The following ABCC5 variants were observed in gnomAD, a reference collection of about 807,000 sequenced individuals.
ABCC5 encodes ATP-binding cassette sub-family C member 5.
A neutral mutation model predicts 160.9 loss-of-function variants in ABCC5; 61 were observed. The observed-to-expected ratio is 0.38, with a 90% CI of 0.31 to 0.47. The LOEUF (loss-of-function observed/expected upper bound fraction) is 0.47, where lower values mean the gene tolerates loss of function less well. Ranked by LOEUF, ABCC5 falls within the 20% of genes least tolerant of loss-of-function variation. The probability of loss-of-function intolerance (pLI) is 0.99; values close to 1 mark genes in which losing one functional copy is unlikely to be tolerated. For synonymous variants in ABCC5, 666 were observed against 700.6 expected (o/e 0.95, Z 0.78); for missense variants, 1,308 against 1,813.3 (o/e 0.72, Z 5.06).
intron 23 of ABCC5, among the ~76,000 whole-genome samples, chr3:183,946,280 G>A (rs1714832319): frequency 6.6e-6 from 1 of 152,186 alleles, no homozygotes; most frequent in Non-Finnish European, 1.5e-5. Flanking sequence ...CACAACAAAT[G>A]GAGATATCAA....
chr3:184,005,745 C>T (rs1190515779), intron 2 of ABCC5, among the ~76,000 whole-genome samples: 6 of 151,910 alleles, frequency 3.9e-5, no homozygotes, highest in African/African-American at 9.7e-5. Context: ...CAAACCTGCA[C>T]GTTGTGTACA....
chr3:183,983,074 T>C (rs1718890562), intron 5 of ABCC5, 67 bp from the exon 6 acceptor site: 4 of 1,439,822 alleles, frequency 2.8e-6, no homozygotes, highest in Admixed American at 1.7e-5. Context: ...CATAGTTTTA[T>C]GTTAAGTTAG....
chr3:183,985,467 G>A, intron 5 of ABCC5: 1 of 1,137,616 alleles, frequency 8.8e-7, no homozygotes, highest in Non-Finnish European at 1.3e-6. Flanking sequence ...TGCAGGTGGA[G>A]AGAGGTTGGA....
intron 2 of ABCC5, among the ~76,000 whole-genome samples, chr3:183,990,557 C>G (rs994140173): frequency 6.6e-6 from 1 of 152,102 alleles, no homozygotes; most frequent in Non-Finnish European, 1.5e-5. Context: ...TTTCCATCAG[C>G]CCCAATTAAA....
chr3:183,940,157 T>C (rs969667327), intron 25 of ABCC5, among the ~76,000 whole-genome samples: 9 of 152,074 alleles, frequency 5.9e-5, no homozygotes, highest in Non-Finnish European at 1.3e-4. Flanking sequence ...AGAAACGAGT[T>C]AGGAAACCTG....
chr3:183,929,958 C>T (rs1270147819), intron 26 of ABCC5, among the ~76,000 whole-genome samples: 1 of 152,052 alleles, frequency 6.6e-6, no homozygotes, highest in African/African-American at 2.4e-5. Context: ...TTATCTTTGC[C>T]ACTGAGGATG....
chr3:183,985,080 A>G, intron 5 of ABCC5: 1 of 663,338 alleles, frequency 1.5e-6, no homozygotes, highest in Non-Finnish European at 2.5e-6. Context: ...ACAGCAGATT[A>G]AAGAAGTTCC....
intron 28 of ABCC5, among the ~76,000 whole-genome samples, chr3:183,926,178 T>C (rs1259074584): frequency 6.8e-6 from 1 of 147,610 alleles, no homozygotes; most frequent in African/African-American, 2.5e-5. Context: ...CACGCATATA[T>C]GTAAAAACAT....
intron 2 of ABCC5, among the ~76,000 whole-genome samples, chr3:183,990,603 G>T (rs149247302): frequency 6.6e-6 from 1 of 152,068 alleles, no homozygotes; most frequent in Admixed American, 6.5e-5. Flanking sequence ...GGATGTACAC[G>T]TGCCTCCCCT....
intron 2 of ABCC5, among the ~76,000 whole-genome samples, chr3:183,998,926 C>T (rs996940858): frequency 6.6e-6 from 1 of 151,856 alleles, no homozygotes; most frequent in African/African-American, 2.4e-5. Context: ...CTCATCTCTA[C>T]TAAAAATACA....
In ABCC5 at chr3:183,949,738, C is replaced by T. The variant is rs28365016; in HGVS notation, c.3227+15G>A. ...TGACTCCCCTTTGAGGCCTCTAGCC[C>T]CCATCAGGACAAACCTGTGCAGAAA... On this transcript the variant is annotated intron_variant, in intron 22 of 29. Transcript: ENST00000334444. The surrounding 1 kb of genome is among the most constrained non-coding windows in gnomAD (Gnocchi z 4.2). The T allele has an allele frequency of 2.5e-4, 405 of 1,613,688 alleles. 1 individual carries two copies. In the African/African-American group the frequency reaches 5.0e-3, roughly 20 times the overall value.
At chr3:183,930,097 G>C (rs1200239938) in intron 26 of ABCC5, among the ~76,000 whole-genome samples, 1 of 152,182 alleles carries the variant, frequency 6.6e-6, no homozygotes, top group Admixed American at 6.5e-5. Context: ...TATTTGCTTT[G>C]CTCATAAAAT....
At chr3:183,977,816 G>A (rs532513380) in intron 9 of ABCC5, among the ~76,000 whole-genome samples, 192 bp from the exon 10 acceptor site, 165 of 151,866 alleles carry the variant, frequency 1.1e-3, no homozygotes, top group Non-Finnish European at 1.8e-3. Flanking sequence ...GCAGTGACAC[G>A]ATCTTGGCTC....
In ABCC5 at chr3:183,928,790, T is replaced by A. The variant is rs201192949; in HGVS notation, c.3890A>T (p.Asp1297Val). ...NLDPFNQYTE[D>V]QIWDALERTH... ...CCTCTCCAGGGCATCCCAAATCTGG[T>A]CTTCAGTGTACTGGTTGAAGGGGTC... The change falls in exon 27 of 30, where the codon GAC becomes GTC. Residue 1297 changes from aspartate to valine, a missense_variant. By Grantham distance (152) the Asp-to-Val change is radical. This residue lies in a region of ABCC5 where 163 missense variants were observed against 269.7 expected (regional missense o/e 0.60). Transcript: ENST00000334444. 1.2e-6 allele frequency: 2 copies of A among 1,614,144 alleles called. No individual in the cohort carries two copies. The highest frequency in any genetic ancestry group is 2.7e-5 in the African/African-American group (2 of 75,022).
Position 183,949,964 on chromosome 3 carries a change from C to T in ABCC5, c.3098+8G>A. ...TGGCCCCAGCAGACATGAACGCTTC[C>T]TATTTACCTGGAGACAATGTGCAGG... On this transcript the variant is annotated splice_region_variant and intron_variant, in intron 21 of 29. Transcript: ENST00000334444. The surrounding 1 kb of genome is among the most constrained non-coding windows in gnomAD (Gnocchi z 4.2). 3.7e-6 allele frequency: 6 copies of T among 1,614,110 alleles called. No homozygotes were observed. Among genetic ancestry groups the T allele is most frequent in the Non-Finnish European group, 5.1e-6 (6 of 1,180,008 alleles).
intron 2 of ABCC5, chr3:184,009,987 A>T (rs1472701764): frequency 4.3e-5 from 19 of 437,204 alleles, no homozygotes; most frequent in Non-Finnish European, 8.3e-5. Flanking sequence ...TCTACAAAAA[A>T]ACAAACAAAA....
chr3:184,012,755 C>T (rs957891764), intron 2 of ABCC5, among the ~76,000 whole-genome samples: 6 of 152,154 alleles, frequency 3.9e-5, no homozygotes, highest in African/African-American at 1.2e-4. Context: ...ACTGGCACCA[C>T]GAGAAGCATT....
chr3:183,951,825 G>A lies in ABCC5; in HGVS notation c.2814+32C>T, dbSNP rs1455483792. On this transcript the variant is annotated intron_variant, in intron 19 of 29. Coordinates refer to ENST00000334444, the MANE Select transcript of ABCC5 (RefSeq NM_005688.4). The surrounding 1 kb of genome is among the most constrained non-coding windows in gnomAD (Gnocchi z 4.7). ...CAAAGCCTGACCACAGGTCACCAGG[G>A]AGGAGGGCAGAGACCACCCACCAAT... is the stretch of plus-strand genomic sequence containing the variant. The A allele has an allele frequency of 6.2e-7, 1 of 1,602,670 alleles. No homozygotes were observed. Among genetic ancestry groups the A allele is most frequent in the Non-Finnish European group, 8.5e-7 (1 of 1,173,092 alleles).
At chr3:183,941,864 C>T (rs187680080) in intron 25 of ABCC5, among the ~76,000 whole-genome samples, 2 of 151,664 alleles carry the variant, frequency 1.3e-5, no homozygotes, top group East Asian at 4.0e-4. Context: ...GTCCCAGCTA[C>T]GTGAGAGGCT....
Sources: gnomAD v4.1 joint callset for allele counts (sites outside exome capture counted in the v4.1 genomes callset) on GRCh38, gnomAD v4.1.1 for gene constraint, gnomAD v4.1.1 regional missense constraint, Gnocchi (gnomAD v3.1) non-coding constraint, MANE v1.5 for transcripts, NCBI Gene and HGNC (gene_info 2026-07-23, HGNC 2026-07-21) for gene names.